Variants in TOX3 observed in about 807,000 individuals in gnomAD.
TOX3 encodes TOX high mobility group box family member 3.
In TOX3, 22 loss-of-function variants were observed where a neutral mutation model predicts 64.3. That is an observed-to-expected ratio of 0.34 (90% CI 0.24 to 0.49). The LOEUF (loss-of-function observed/expected upper bound fraction) is 0.49. TOX3 is among the 20% of genes least tolerant of loss of function. The pLI is 0.99. For synonymous variants in TOX3, 291 were observed against 273.6 expected (o/e 1.06, Z -0.63); for missense variants, 661 against 714.4 (o/e 0.93, Z 0.85).
chr16:52,449,429 A>C (rs773786789), intron 4 of TOX3, among the ~76,000 whole-genome samples: 1 of 152,130 alleles, frequency 6.6e-6, no homozygotes, highest in Admixed American at 6.5e-5. Context: ...CTTAGACCTA[A>C]TTCAAATATC....
chr16:52,495,976 C>G (rs1961840040), intron 1 of TOX3, among the ~76,000 whole-genome samples: 1 of 152,256 alleles, frequency 6.6e-6, no homozygotes. Context: ...AAAAGAGGTG[C>G]TATATCAGTT....
intron 1 of TOX3, among the ~76,000 whole-genome samples, chr16:52,515,194 AAAAAG>A (rs1328647986): frequency 4.0e-5 from 6 of 150,744 alleles, no homozygotes; most frequent in African/African-American, 1.2e-4. Flanking sequence ...TTAAAAAAAA[AAAAAG>A]AAAAAGAAAA....
At position 52,546,734 on chromosome 16, in the gene TOX3, G is replaced by A. The variant is rs764731584; in HGVS notation, c.-11C>T. On this transcript the variant is annotated 5_prime_UTR_variant, in exon 1 of 7. Coordinates refer to ENST00000219746, the MANE Select transcript of TOX3 (RefSeq NM_001080430.4). Reference sequence around the variant, plus strand: ...GAACCTCACATCCATGCCGAAGCTGGGCCCGGGGCCGGGGGCCGGGACTGG... The same window carrying A: ...GAACCTCACATCCATGCCGAAGCTGAGCCCGGGGCCGGGGGCCGGGACTGG... The A allele has an allele frequency of 1.9e-5, 29 of 1,506,562 alleles. No homozygotes were observed. In the East Asian group the frequency reaches 3.0e-4, roughly 15 times the overall value. The allele number at this position is 1,506,562 out of a possible 1,614,324, so 93.3% of individuals were successfully genotyped here. A position where few individuals can be genotyped will look rare whatever the true frequency, so the allele number is the denominator to read the frequency against.
At chr16:52,461,375 C>G (rs943915025) in intron 3 of TOX3, among the ~76,000 whole-genome samples, 11 of 152,116 alleles carry the variant, frequency 7.2e-5, no homozygotes, top group African/African-American at 2.2e-4. Context: ...GCATTATTTG[C>G]ATATTTTGAA....
chr16:52,466,625 T>G (rs969164862), intron 2 of TOX3, among the ~76,000 whole-genome samples: 1 of 152,286 alleles, frequency 6.6e-6, no homozygotes. Flanking sequence ...ATGTCTATGC[T>G]AAGCAGTCAT....
At chr16:52,513,615 T>C (rs542979186) in intron 1 of TOX3, among the ~76,000 whole-genome samples, 122 of 152,350 alleles carry the variant, frequency 8.0e-4, no homozygotes, top group African/African-American at 2.8e-3. Flanking sequence ...AAAAGTGACC[T>C]GATTTTTCTG....
chr16:52,446,773 A>G (rs1029811028), intron 4 of TOX3, among the ~76,000 whole-genome samples: 1 of 152,138 alleles, frequency 6.6e-6, no homozygotes, highest in Admixed American at 6.5e-5. Flanking sequence ...TCCAATTTCT[A>G]TACTTGCAGC....
At position 52,438,954 on chromosome 16, in the gene TOX3, T is replaced by G; in HGVS notation, c.*271A>C. On this transcript the variant is annotated 3_prime_UTR_variant, in exon 7 of 7. Coordinates refer to ENST00000219746, the MANE Select transcript of TOX3 (RefSeq NM_001080430.4). Reference sequence around the variant, plus strand: ...TTCATTAAACAGTTTGATTCACATATTGTAGGTATAGCCTGAATAAATAAA... The same window carrying G: ...TTCATTAAACAGTTTGATTCACATAGTGTAGGTATAGCCTGAATAAATAAA... The G allele has an allele frequency of 3.3e-6, 2 of 607,058 alleles. No individual in the cohort carries two copies. The allele number at this position is 607,058 out of a possible 1,614,324, so 37.6% of individuals were successfully genotyped here.
chr16:52,438,712 T>C lies in TOX3; in HGVS notation c.*513A>G, dbSNP rs1235108506. 1.9e-5 allele frequency: 3 copies of C among 161,796 alleles called. No homozygotes were observed. The highest frequency in any genetic ancestry group is 2.7e-5 in the Non-Finnish European group (2 of 73,040). 10.0% of individuals were successfully genotyped at this position (161,796 alleles called of 1,614,324 possible). On this transcript the variant is annotated 3_prime_UTR_variant, in exon 7 of 7. Transcript: ENST00000219746. ...CAAAAGTCTGTGATTTACATTATTT[T>C]TTTCATGACAAAAAAATGCCATCAA...
At chr16:52,504,509 G>C (rs1054309845) in intron 1 of TOX3, among the ~76,000 whole-genome samples, 1 of 150,042 alleles carries the variant, frequency 6.7e-6, no homozygotes, top group East Asian at 1.9e-4. Context: ...AAAATGAAGA[G>C]AAATGAGAAA....
At chr16:52,466,265 A>G (rs934132503) in intron 2 of TOX3, among the ~76,000 whole-genome samples, 3 of 152,212 alleles carry the variant, frequency 2.0e-5, no homozygotes, top group South Asian at 2.1e-4. Context: ...TACTTTAAAA[A>G]TGGTCAGGGT....
intron 3 of TOX3, 149 bp downstream of exon 3, chr16:52,463,785 G>T: frequency 1.1e-6 from 1 of 922,332 alleles, no homozygotes; most frequent in Non-Finnish European, 1.5e-6. Flanking sequence ...TTCAATACCA[G>T]GCAGCGATCC....
At chr16:52,479,962 C>G (rs571479842) in intron 1 of TOX3, among the ~76,000 whole-genome samples, 1 of 152,166 alleles carries the variant, frequency 6.6e-6, no homozygotes, top group Non-Finnish European at 1.5e-5. Context: ...ACCTTCCCCT[C>G]CCCTAGCTGG....
At chr16:52,461,736 G>C (rs1960697896) in intron 3 of TOX3, among the ~76,000 whole-genome samples, 1 of 152,102 alleles carries the variant, frequency 6.6e-6, no homozygotes, top group African/African-American at 2.4e-5. Context: ...CTGAATGCAT[G>C]ACGTATAAAG....
chr16:52,519,021 G>A (rs1596852869), intron 1 of TOX3, among the ~76,000 whole-genome samples: 2 of 152,326 alleles, frequency 1.3e-5, no homozygotes, highest in South Asian at 2.1e-4. Flanking sequence ...GTAGCAAAAT[G>A]TCAGGTATCA....
At position 52,438,469 on chromosome 16, in the gene TOX3, T is replaced by C. The variant is rs1021794694; in HGVS notation, c.*756A>G. ...TTTTAAAAATACAGTGTTTTTATTT[T>C]TCGAAACTTGTCACTCAAAACACGG... On this transcript the variant is annotated 3_prime_UTR_variant, in exon 7 of 7. Coordinates refer to ENST00000219746, the MANE Select transcript of TOX3 (RefSeq NM_001080430.4). 7 of 152,124 alleles carry C rather than the reference T, an allele frequency of 4.6e-5. No homozygotes were observed. Among genetic ancestry groups the C allele is most frequent in the African/African-American group, 1.7e-4 (7 of 41,118 alleles). 9.4% of individuals were successfully genotyped at this position (152,124 alleles called of 1,614,324 possible). A position where few individuals can be genotyped will look rare whatever the true frequency, so the allele number is the denominator to read the frequency against.
intron 1 of TOX3, among the ~76,000 whole-genome samples, chr16:52,494,963 C>A (rs915453818): frequency 2.0e-5 from 3 of 152,174 alleles, no homozygotes; most frequent in African/African-American, 7.2e-5. Context: ...GGGAGATCTT[C>A]CATGGAGAAG....
intron 1 of TOX3, among the ~76,000 whole-genome samples, chr16:52,515,758 C>T (rs1053725522): frequency 6.6e-6 from 1 of 152,164 alleles, no homozygotes; most frequent in Non-Finnish European, 1.5e-5. Flanking sequence ...TCCTTCTTTT[C>T]GTTTCTTTAC....
intron 1 of TOX3, among the ~76,000 whole-genome samples, chr16:52,478,976 C>G (rs1961295161): frequency 6.6e-6 from 1 of 151,978 alleles, no homozygotes; most frequent in Admixed American, 6.6e-5. Context: ...TTATTAAGTG[C>G]CTACAATATA....
Sources: allele counts gnomAD v4.1 joint callset (sites outside exome capture counted in the v4.1 genomes callset), GRCh38; gene constraint gnomAD v4.1.1; transcripts MANE v1.5; gene names NCBI Gene and HGNC (gene_info 2026-07-23, HGNC 2026-07-21).